Variants in SLC45A4 observed in about 807,000 individuals in gnomAD.
SLC45A4 encodes polyamine-transporter SLC45A4.
Under a neutral mutation model 63.7 loss-of-function variants are expected in SLC45A4, and 32 were observed. The observed-to-expected ratio is 0.50, with a 90% CI of 0.38 to 0.67. SLC45A4 has a LOEUF of 0.67. SLC45A4 is among the 30% of genes least tolerant of loss of function. The probability of loss-of-function intolerance (pLI) is 0.00; values close to 1 mark genes in which losing one functional copy is unlikely to be tolerated. For missense variants in SLC45A4, 1,027 were observed against 1,157.7 expected, an observed-to-expected ratio of 0.89 and a Z score of 1.64; for synonymous variants, 535 against 510.0, an observed-to-expected ratio of 1.05 and a Z score of -0.66.
intron 1 of SLC45A4, among the ~76,000 whole-genome samples, chr8:141,258,851 A>G (rs1828926510): frequency 6.6e-6 from 1 of 151,570 alleles, no homozygotes; most frequent in African/African-American, 2.4e-5. Context: ...CAATTATGCC[A>G]TTGAACTCCA....
At chr8:141,238,104 G>GT (rs1827719916) in intron 2 of SLC45A4, among the ~76,000 whole-genome samples, 1 of 152,114 alleles carries the variant, frequency 6.6e-6, no homozygotes, top group South Asian at 2.1e-4. Flanking sequence ...GCTGGCCACG[G>GT]GCCACCTGTG....
intron 2 of SLC45A4, among the ~76,000 whole-genome samples, chr8:141,246,204 G>A (rs1411565056): frequency 2.0e-5 from 3 of 149,754 alleles, no homozygotes; most frequent in Non-Finnish European, 4.4e-5. Context: ...AGTTATACAG[G>A]GGGAAGCAGT....
At chr8:141,298,481 C>T (rs2154615413) in intron 1 of SLC45A4, among the ~76,000 whole-genome samples, 1 of 152,356 alleles carries the variant, frequency 6.6e-6, no homozygotes, top group East Asian at 1.9e-4. Flanking sequence ...GCCCAGTCCC[C>T]TGCTAGCTCA....
At chr8:141,300,748 C>T (rs1446792173) in intron 1 of SLC45A4, among the ~76,000 whole-genome samples, 2 of 152,226 alleles carry the variant, frequency 1.3e-5, no homozygotes, top group Admixed American at 6.5e-5. Context: ...AAATTTAACC[C>T]GAGGCACAAT....
chr8:141,307,480 G>A (rs1277423816), intron 1 of SLC45A4, among the ~76,000 whole-genome samples: 1 of 152,000 alleles, frequency 6.6e-6, no homozygotes, highest in Non-Finnish European at 1.5e-5. Context: ...CTGGCTAGCA[G>A]TGCTGCCAGG....
chr8:141,238,479 T>A (rs1054457340), intron 2 of SLC45A4, among the ~76,000 whole-genome samples: 7 of 151,988 alleles, frequency 4.6e-5, no homozygotes, highest in Admixed American at 6.6e-5. Flanking sequence ...TCCTCTTTCC[T>A]CCCCCAGCCC....
chr8:141,212,654 G>A, intron 7 of SLC45A4, 98 bp from the exon 8 acceptor site: 1 of 1,404,016 alleles, frequency 7.1e-7, no homozygotes, highest in African/African-American at 1.4e-5. Flanking sequence ...CTGGAAACAT[G>A]ACCCGTCTTC....
intron 2 of SLC45A4, among the ~76,000 whole-genome samples, chr8:141,242,862 G>A (rs1015123317): frequency 6.6e-6 from 1 of 152,198 alleles, no homozygotes; most frequent in East Asian, 1.9e-4. Flanking sequence ...ATGTGGACCT[G>A]AATGTGTATC....
intron 2 of SLC45A4, among the ~76,000 whole-genome samples, chr8:141,238,533 C>T (rs780767040): frequency 9.2e-5 from 14 of 152,178 alleles, no homozygotes; most frequent in Non-Finnish European, 1.5e-4. Flanking sequence ...AATCTGACAC[C>T]TCCAGGGCCC....
At chr8:141,214,401 T>C (rs1826014209) in intron 7 of SLC45A4, among the ~76,000 whole-genome samples, 2 of 152,128 alleles carry the variant, frequency 1.3e-5, no homozygotes. Context: ...TGTAAGTAGA[T>C]GGCCCAAAGA....
intron 2 of SLC45A4, among the ~76,000 whole-genome samples, chr8:141,244,355 A>AC (rs1828064452): frequency 6.6e-6 from 1 of 152,150 alleles, no homozygotes; most frequent in African/African-American, 2.4e-5. Flanking sequence ...CTGACCTGGG[A>AC]CAGGAGCATG....
chr8:141,215,826 C>G lies in SLC45A4; in HGVS notation c.1874G>C (p.Gly625Ala). The change falls in exon 7 of 9, where the codon GGC (glycine) becomes GCC (alanine). Residue 625 changes from glycine (G) to alanine (A), a missense_variant. By Grantham distance (60) the Gly-to-Ala change is moderately conservative. Transcript: ENST00000517878. This position sits in a 1 kb window ranked among gnomAD's most constrained non-coding sequence, Gnocchi z 4.3. The part of the protein sequence containing the change: ...YVAMVTISTM[G>A]IVSMSISYCP... ...GTAGGAGATGCTCATGGAGACGATGCCCATGGTGCTGATGGTGACCATGGC... is the reference window on the plus strand; with the variant it reads ...GTAGGAGATGCTCATGGAGACGATGGCCATGGTGCTGATGGTGACCATGGC... 1 of 1,614,092 alleles carries G rather than the reference C, an allele frequency of 6.2e-7. No homozygotes were observed. The highest frequency in any genetic ancestry group is 1.1e-5 in the South Asian group (1 of 91,082).
chr8:141,265,608 CCTA>C (rs1162586295), intron 1 of SLC45A4, among the ~76,000 whole-genome samples: 2 of 152,150 alleles, frequency 1.3e-5, no homozygotes, highest in Non-Finnish European at 2.9e-5. Context: ...CTGAAAACTC[CCTA>C]CTGAGGCATG....
At position 141,283,163 on chromosome 8, in the gene SLC45A4, G is replaced by A. The variant is rs558808601; in HGVS notation, c.-401+24933C>T. Among the ~76,000 whole-genome samples the A allele has an allele frequency of 9.9e-5, 15 of 152,284 alleles. No homozygotes were observed. In the South Asian group the frequency reaches 2.7e-3, roughly 27 times the overall value. ...TGCTTCTCCTATCCCACAACCTCAC[G>A]AACATGAGATTCCTCAAGTCCTGAG... On this transcript the variant is annotated intron_variant, in intron 1 of 8. Coordinates refer to ENST00000517878, the MANE Select transcript of SLC45A4 (RefSeq NM_001286646.2).
intron 2 of SLC45A4, among the ~76,000 whole-genome samples, chr8:141,243,333 G>A (rs530000359): frequency 1.1e-4 from 16 of 152,316 alleles, no homozygotes; most frequent in African/African-American, 2.2e-4. Context: ...AGCACGAAGC[G>A]CAGTGGCATC....
intron 1 of SLC45A4, among the ~76,000 whole-genome samples, chr8:141,302,601 G>A (rs1344504001): frequency 2.0e-5 from 3 of 152,198 alleles, no homozygotes; most frequent in Non-Finnish European, 2.9e-5. Context: ...CAAAGAGCTA[G>A]GATTACAGGC....
intron 2 of SLC45A4, chr8:141,230,324 G>A (rs1023650541): frequency 2.3e-5 from 8 of 351,984 alleles, no homozygotes; most frequent in African/African-American, 1.5e-4. Context: ...TGAAGTCCCC[G>A]CCCTTCCATC....
intron 2 of SLC45A4, among the ~76,000 whole-genome samples, chr8:141,235,393 TA>T (rs1234860893): frequency 3.3e-5 from 5 of 152,128 alleles, no homozygotes; most frequent in African/African-American, 9.7e-5. Context: ...TGGCTGCAGT[TA>T]AATCATGCTC....
chr8:141,268,557 G>A (rs1215628133), intron 1 of SLC45A4, among the ~76,000 whole-genome samples: 3 of 152,140 alleles, frequency 2.0e-5, no homozygotes, highest in Admixed American at 6.5e-5. Flanking sequence ...AGGGGCACAC[G>A]GGAAATCTGT....
Sources: allele counts gnomAD v4.1 joint callset (sites outside exome capture counted in the v4.1 genomes callset), GRCh38; gene constraint gnomAD v4.1.1; non-coding constraint Gnocchi (gnomAD v3.1); transcripts MANE v1.5; gene names NCBI Gene and HGNC (gene_info 2026-07-23, HGNC 2026-07-21).